The following POPDC2 variants were observed in gnomAD, a reference collection of about 807,000 sequenced individuals.
POPDC2 encodes the protein popeye domain cAMP effector 2.
Under a neutral mutation model 30.5 loss-of-function variants are expected in POPDC2, and 24 were observed. The observed-to-expected ratio is 0.79, with a 90% CI of 0.57 to 1.11. The LOEUF is 1.11. Among genes scored for constraint, POPDC2 ranks in the 50% least tolerant of loss-of-function variants. POPDC2 has a pLI of 0.00. For missense variants in POPDC2, 409 were observed against 447.0 expected (o/e 0.91, Z 0.77); for synonymous variants, 185 against 183.3 (o/e 1.01, Z -0.07).
At chr3:119,653,910 C>G (rs979495668) in intron 2 of POPDC2, among the ~76,000 whole-genome samples, 2 of 152,176 alleles carry the variant, frequency 1.3e-5, no homozygotes, top group African/African-American at 4.8e-5. Flanking sequence ...ATTATTAGAA[C>G]AGACAGCAAG....
chr3:119,660,070 G>C lies in POPDC2; in HGVS notation c.354C>G (p.Pro118=), dbSNP rs770683617. 4 of 1,614,210 alleles carry C rather than the reference G, an allele frequency of 2.5e-6. No individual in the cohort carries two copies. The highest frequency in any genetic ancestry group is 3.4e-6 in the Non-Finnish European group (4 of 1,180,036). ...TGTATGTCTGTAGGGGCACCTGCAA[G>C]GGCAGGCACAGCGTCTTGTAGAGGA... The part of the protein sequence containing the change: ...FDLLYKTLCL[P]LQVPLQTYKE... The change falls in exon 1 of 4, where the codon CCC becomes CCG. Residue 118 remains proline (P), a synonymous_variant. Transcript: ENST00000493094.
chr3:119,643,744 A>C (rs1177804616), intron 3 of POPDC2, among the ~76,000 whole-genome samples: 1 of 152,174 alleles, frequency 6.6e-6, no homozygotes, highest in Non-Finnish European at 1.5e-5. Context: ...AATCCAAGGC[A>C]TCCTTTTCCC....
At chr3:119,643,395 G>A (rs1463332905) in intron 3 of POPDC2, 2 of 1,535,610 alleles carry the variant, frequency 1.3e-6, no homozygotes, top group South Asian at 1.2e-5. Context: ...TCTGCCAGCT[G>A]CCACCTTCCC....
At chr3:119,648,018 CTAAG>C in intron 3 of POPDC2, 97 bp downstream of exon 3, 2 of 1,019,596 alleles carry the variant, frequency 2.0e-6, no homozygotes. Flanking sequence ...TGTGAGTCCT[CTAAG>C]AGGAAATGTT....
chr3:119,642,581 G>T lies in POPDC2; in HGVS notation c.*44-20C>A. 1 of 1,529,394 alleles carries T rather than the reference G, an allele frequency of 6.5e-7. No homozygotes were observed. The highest frequency in any genetic ancestry group is 9.1e-7 in the Non-Finnish European group (1 of 1,103,208). 94.7% of individuals were successfully genotyped at this position (1,529,394 alleles called of 1,614,324 possible). A position where few individuals can be genotyped will look rare whatever the true frequency, so the allele number is the denominator to read the frequency against. On this transcript the variant is annotated intron_variant, in intron 3 of 3. Transcript: ENST00000493094. ...TAGAAGCTGTGGAAAGAAAAAGAGG[G>T]AGGATTTTAGCACTATGTCTCTGGA...
intron 1 of POPDC2, among the ~76,000 whole-genome samples, chr3:119,656,608 A>G (rs769891135): frequency 6.6e-6 from 1 of 152,254 alleles, no homozygotes; most frequent in Non-Finnish European, 1.5e-5. Context: ...GAGGACAGGG[A>G]GTGTATTTCA....
At chr3:119,658,900 G>C (rs2052908123) in intron 1 of POPDC2, among the ~76,000 whole-genome samples, 1 of 142,754 alleles carries the variant, frequency 7.0e-6, no homozygotes, top group South Asian at 2.3e-4. Flanking sequence ...GTGGTTGGCA[G>C]TATTATCTGG....
intron 2 of POPDC2, among the ~76,000 whole-genome samples, chr3:119,651,443 C>T (rs1413635153): frequency 1.3e-5 from 2 of 151,508 alleles, no homozygotes; most frequent in African/African-American, 2.4e-5. Context: ...GGCTTTTTGT[C>T]TCCCCCATTA....
intron 1 of POPDC2, among the ~76,000 whole-genome samples, chr3:119,656,373 T>C (rs66858682): frequency 0.11 from 17,394 of 152,206 alleles, 1,066 homozygotes; most frequent in African/African-American, 0.14. Context: ...GCTTTAATTT[T>C]ATGAATATTC....
intron 3 of POPDC2, chr3:119,643,435 GA>G (rs1340171550): frequency 1.3e-6 from 2 of 1,531,674 alleles, no homozygotes; most frequent in East Asian, 4.9e-5. Context: ...AAATAAGAGG[GA>G]AAATCATCTA....
At position 119,648,294 on chromosome 3, in the gene POPDC2, C is replaced by T; in HGVS notation, c.975G>A (p.Arg325=). The change falls in exon 3 of 4, where the codon CGG becomes CGA. Residue 325 remains arginine, a synonymous_variant. Transcript: ENST00000493094. ...CACTGTCTGGCCTGGACAACCTGGC[C>T]CGGGTAGGAGGTGCAGGAAAGTTGG... is the stretch of plus-strand genomic sequence containing the variant. The part of the protein sequence containing the change: ...ATTNFPAPPT[R]ARLSRPDSGI... 6.2e-7 allele frequency: 1 copy of T among 1,614,012 alleles called. No homozygotes were observed. The highest frequency in any genetic ancestry group is 1.1e-5 in the South Asian group (1 of 91,068).
Position 119,648,328 on chromosome 3 carries a change from G to A in POPDC2, c.941C>T (p.Pro314Leu). The A allele has an allele frequency of 1.9e-6, 3 of 1,614,140 alleles. No homozygotes were observed. Among genetic ancestry groups the A allele is most frequent in the Non-Finnish European group, 2.5e-6 (3 of 1,180,036 alleles). Residue 314 changes from proline (P) to leucine (L), a missense_variant, in exon 3 of 4, where the codon CCA becomes CTA. Coordinates refer to ENST00000493094, the MANE Select transcript of POPDC2 (RefSeq NM_001369919.2). ...AGGTGCAGGAAAGTTGGTGGTAGCT[G>A]GAGGGGTAGAACAAGGGGGTGTTTG... ...LQQTPPCSTP[P>L]ATTNFPAPPT... is the part of the protein sequence containing the mutation.
rs200871576 is a variant in POPDC2, at chr3:119,660,231, C to T, written c.193G>A (p.Val65Met). ...CAGGCACTGAACCAGCCCCACAGCA[C>T]GCAGCACAGGTAACCTGCACTCAGG... ...GFLSAGYLCCVLWGWFSACGL... is the reference protein window; with the variant it reads ...GFLSAGYLCCMLWGWFSACGL... The change falls in exon 1 of 4, where the codon GTG (valine) becomes ATG (methionine). Residue 65 changes from valine (V) to methionine (M), a missense_variant. Physicochemically the swap from Val to Met is conservative, Grantham distance 21. Transcript: ENST00000493094. 1.7e-4 allele frequency: 267 copies of T among 1,614,186 alleles called. 1 individual carries two copies. The East Asian group carries it at 3.7e-3, about 22-fold the overall frequency.
chr3:119,652,264 A>AG (rs2052820384), intron 2 of POPDC2, among the ~76,000 whole-genome samples: 1 of 152,182 alleles, frequency 6.6e-6, no homozygotes, highest in Non-Finnish European at 1.5e-5. Flanking sequence ...TGAATTGTCG[A>AG]GAGGTGTGCT....
At chr3:119,651,399 C>T (rs1347197894) in intron 2 of POPDC2, among the ~76,000 whole-genome samples, 3 of 151,726 alleles carry the variant, frequency 2.0e-5, no homozygotes, top group African/African-American at 7.3e-5. Context: ...TATCCTCTAA[C>T]AAATTATATA....
At position 119,660,264 on chromosome 3, in the gene POPDC2, A is replaced by G. The variant is rs748850916; in HGVS notation, c.160T>C (p.Phe54Leu). Residue 54 changes from phenylalanine to leucine, a missense_variant, in exon 1 of 4, where the codon TTT becomes CTT. Phe to Leu is a conservative substitution (Grantham distance 22). Coordinates refer to ENST00000493094, the MANE Select transcript of POPDC2 (RefSeq NM_001369919.2). Reference sequence around the variant, plus strand: ...AGGTAACCTGCACTCAGGAAGCCAAAAAGATAGAAGCATCCATACACCCCA... The same window carrying G: ...AGGTAACCTGCACTCAGGAAGCCAAGAAGATAGAAGCATCCATACACCCCA... Reference protein sequence around the residue: ...GSGVYGCFYLFGFLSAGYLCC... With the variant: ...GSGVYGCFYLLGFLSAGYLCC... 1.9e-6 allele frequency: 3 copies of G among 1,614,198 alleles called. No homozygotes were observed. In the Admixed American group the frequency reaches 5.0e-5, roughly 27 times the overall value.
At chr3:119,660,673 C>CCCCCACACCTCCT, upstream of POPDC2, 1 of 361,838 alleles carries the variant, frequency 2.8e-6, no homozygotes, top group South Asian at 3.8e-5. Flanking sequence ...TCTCTCCTCC[C>CCCCCACACCTCCT]CACCACCCCC....
Position 119,654,479 on chromosome 3 carries a change from G to A in POPDC2, c.600+26C>T, listed in dbSNP as rs368172444. 51 of 1,488,264 alleles carry A rather than the reference G, an allele frequency of 3.4e-5. 1 individual carries two copies. The Admixed American group carries it at 4.0e-4, about 12-fold the overall frequency. 92.2% of individuals were successfully genotyped at this position (1,488,264 alleles called of 1,614,324 possible). A position where few individuals can be genotyped will look rare whatever the true frequency, so the allele number is the denominator to read the frequency against. ...GGGCTACAGTGGGATGGGGTGAGGCGGTGCTGCCACCAGGCTCCCTGTTAC... is the reference window on the plus strand; with the variant it reads ...GGGCTACAGTGGGATGGGGTGAGGCAGTGCTGCCACCAGGCTCCCTGTTAC... On this transcript the variant is annotated intron_variant, in intron 2 of 3. Transcript: ENST00000493094.
intron 2 of POPDC2, among the ~76,000 whole-genome samples, chr3:119,652,554 T>A (rs967474847): frequency 2.0e-5 from 3 of 152,228 alleles, no homozygotes; most frequent in African/African-American, 7.2e-5. Flanking sequence ...CATGTGAGGT[T>A]ACAGCCCTTC....
Sources: allele counts gnomAD v4.1 joint callset (sites outside exome capture counted in the v4.1 genomes callset), GRCh38; gene constraint gnomAD v4.1.1; transcripts MANE v1.5; gene names NCBI Gene and HGNC (gene_info 2026-07-23, HGNC 2026-07-21).